TNIK: variants seen among roughly 807,000 people sequenced by gnomAD.
TNIK encodes TRAF2 and NCK-interacting protein kinase.
TNIK carries 49 observed loss-of-function variants against 191.3 expected under a neutral mutation model. The observed-to-expected ratio is 0.26, with a 90% confidence interval of 0.20 to 0.32. TNIK has a LOEUF of 0.32. TNIK is among the 10% of genes least tolerant of loss of function. TNIK has a pLI of 1.00. For missense variants in TNIK, 1,155 were observed against 1,702.3 expected, an observed-to-expected ratio of 0.68 and a Z score of 5.66; for synonymous variants, 594 against 600.9, an observed-to-expected ratio of 0.99 and a Z score of 0.17.
At chr3:171,214,916 C>T (rs1352825575) in intron 3 of TNIK, among the ~76,000 whole-genome samples, 7 of 152,114 alleles carry the variant, frequency 4.6e-5, no homozygotes, top group Admixed American at 4.6e-4. Context: ...TTCTCAAGAT[C>T]ACAGGATCTA....
intron 1 of TNIK, among the ~76,000 whole-genome samples, chr3:171,395,801 T>G (rs1222054504): frequency 6.6e-6 from 1 of 152,252 alleles, no homozygotes; most frequent in Non-Finnish European, 1.5e-5. Context: ...CTTAGGAAAC[T>G]TAGGAAACAG....
intron 1 of TNIK, among the ~76,000 whole-genome samples, chr3:171,416,801 C>T (rs1723146093): frequency 6.6e-6 from 1 of 152,136 alleles, no homozygotes; most frequent in South Asian, 2.1e-4. Context: ...ACTATATTTC[C>T]TAGGCCTGTC....
chr3:171,228,475 C>T (rs906379722), intron 2 of TNIK, among the ~76,000 whole-genome samples: 3 of 152,130 alleles, frequency 2.0e-5, no homozygotes, highest in South Asian at 2.1e-4. Context: ...GGTTCTAACT[C>T]CTCTCCAAGG....
chr3:171,345,647 G>C (rs1182329070), intron 2 of TNIK, among the ~76,000 whole-genome samples: 1 of 152,074 alleles, frequency 6.6e-6, no homozygotes, highest in Non-Finnish European at 1.5e-5. Flanking sequence ...ATCAGCATAT[G>C]AGAGAAAAAA....
chr3:171,326,679 CA>C (rs1239686013), intron 2 of TNIK, among the ~76,000 whole-genome samples: 1 of 152,002 alleles, frequency 6.6e-6, no homozygotes, highest in Non-Finnish European at 1.5e-5. Flanking sequence ...TACAGCCTAA[CA>C]ATTCACTTAA....
chr3:171,347,351 TA>T, intron 2 of TNIK: 1 of 879,478 alleles, frequency 1.1e-6, no homozygotes, highest in Non-Finnish European at 1.7e-6. Context: ...ATACAAGTCC[TA>T]AGTGCCTGCA....
At chr3:171,287,360 T>G (rs1430115374) in intron 2 of TNIK, among the ~76,000 whole-genome samples, 1 of 152,250 alleles carries the variant, frequency 6.6e-6, no homozygotes, top group African/African-American at 2.4e-5. Context: ...ATGTATCTAA[T>G]CAACTATTTT....
intron 3 of TNIK, among the ~76,000 whole-genome samples, chr3:171,214,419 T>TCAGAATTGCCACCCACAGTGG (rs907141919): frequency 1.6e-4 from 24 of 152,282 alleles, no homozygotes; most frequent in African/African-American, 5.1e-4. Flanking sequence ...GTAGCACCTA[T>TCAGAATTGCCACCCACAGTGG]CAGAATTGCC....
chr3:171,457,040 A>T (rs972466564), intron 1 of TNIK, among the ~76,000 whole-genome samples: 1 of 152,170 alleles, frequency 6.6e-6, no homozygotes, highest in African/African-American at 2.4e-5. Flanking sequence ...TTCTCTTTCC[A>T]GCTCTGAATC....
At position 171,460,040 on chromosome 3, in the gene TNIK, T is replaced by C. The variant is rs1268220942; in HGVS notation, c.24A>G (p.Arg8=). 1 of 1,609,038 alleles carries C rather than the reference T, an allele frequency of 6.2e-7. No homozygotes were observed. The highest frequency in any genetic ancestry group is 8.5e-7 in the Non-Finnish European group (1 of 1,177,840). The change falls in exon 1 of 33, where the codon CGA becomes CGG. Residue 8 remains arginine, a synonymous_variant. Transcript: ENST00000436636. The surrounding 1 kb of genome is among the most constrained non-coding windows in gnomAD (Gnocchi z 6.8). Reference sequence around the variant, plus strand: ...CCGAGAGATCTATTTCATCCAGGCTTCGAGCCGGGGAGTCGCTCGCCATGT... The same window carrying C: ...CCGAGAGATCTATTTCATCCAGGCTCCGAGCCGGGGAGTCGCTCGCCATGT... MASDSPA[R]SLDEIDLSAL... is the part of the protein sequence containing the mutation.
At chr3:171,177,465 T>G in intron 7 of TNIK, 85 bp from the exon 8 acceptor site, 6 of 1,468,068 alleles carry the variant, frequency 4.1e-6, no homozygotes, top group Non-Finnish European at 5.5e-6. Flanking sequence ...CAGAACTTCC[T>G]GTGAAAGTCA....
intron 1 of TNIK, among the ~76,000 whole-genome samples, chr3:171,372,841 T>G (rs373687315): frequency 5.9e-5 from 9 of 152,172 alleles, no homozygotes; most frequent in African/African-American, 2.2e-4. Flanking sequence ...TAAGAACCAG[T>G]CTGGAATCAA....
chr3:171,111,610 C>G (rs371736035), intron 18 of TNIK, among the ~76,000 whole-genome samples: 40 of 152,046 alleles, frequency 2.6e-4, no homozygotes, highest in African/African-American at 9.7e-4. Context: ...GAAGGTTCCG[C>G]AAAAGACTAA....
intron 1 of TNIK, among the ~76,000 whole-genome samples, chr3:171,430,393 AGTTTGGGAGGCTGAG>A (rs1384415005): frequency 6.6e-6 from 1 of 152,164 alleles, no homozygotes. Flanking sequence ...TAATCCCAAC[AGTTTGGGAGGCTGAG>A]GTGGGAGGAT....
chr3:171,221,226 C>G (rs551015707), intron 3 of TNIK, among the ~76,000 whole-genome samples: 1 of 152,328 alleles, frequency 6.6e-6, no homozygotes, highest in African/African-American at 2.4e-5. Context: ...TCAGACTGTT[C>G]TGTCTGCTAA....
intron 2 of TNIK, among the ~76,000 whole-genome samples, chr3:171,240,100 G>C (rs931349539): frequency 1.3e-5 from 2 of 152,144 alleles, no homozygotes; most frequent in Non-Finnish European, 2.9e-5. Context: ...AGGTAGCTTC[G>C]TCTCAAGGAG....
At chr3:171,091,738 AAAT>A (rs71176591) in intron 23 of TNIK, among the ~76,000 whole-genome samples, 39 of 151,354 alleles carry the variant, frequency 2.6e-4, no homozygotes, top group African/African-American at 6.5e-4. Flanking sequence ...CCATCTCCAA[AAAT>A]AATAATAATA....
At chr3:171,437,903 G>A (rs1257674485) in intron 1 of TNIK, among the ~76,000 whole-genome samples, 1 of 152,232 alleles carries the variant, frequency 6.6e-6, no homozygotes, top group African/African-American at 2.4e-5. Context: ...AATCCGGGGA[G>A]TTGATAACCA....
At chr3:171,213,634 T>TTTG (rs1741127214) in intron 3 of TNIK, among the ~76,000 whole-genome samples, 1 of 152,082 alleles carries the variant, frequency 6.6e-6, no homozygotes, top group Non-Finnish European at 1.5e-5. Flanking sequence ...CCAAAATAAA[T>TTTG]AGTACTGGAG....
Sources: gnomAD v4.1 joint callset for allele counts (sites outside exome capture counted in the v4.1 genomes callset) on GRCh38, gnomAD v4.1.1 for gene constraint, Gnocchi (gnomAD v3.1) non-coding constraint, MANE v1.5 for transcripts, NCBI Gene and HGNC (gene_info 2026-07-23, HGNC 2026-07-21) for gene names.